AP1M1: variants seen among roughly 807,000 people sequenced by gnomAD.
AP1M1 encodes the protein adaptor related protein complex 1 subunit mu 1, also known as AP-1 complex subunit mu-1.
In AP1M1, 18 loss-of-function variants were observed where a neutral mutation model predicts 57.1. The ratio of observed to expected loss-of-function variants is 0.32; its 90% CI spans 0.22 to 0.47. The LOEUF (loss-of-function observed/expected upper bound fraction) is 0.47, where lower values mean the gene tolerates loss of function less well. Among genes scored for constraint, AP1M1 ranks in the 20% least tolerant of loss-of-function variants. The probability of loss-of-function intolerance (pLI) is 1.00; values close to 1 mark genes in which losing one functional copy is unlikely to be tolerated. For synonymous variants in AP1M1, 241 were observed against 237.9 expected (o/e 1.01, Z -0.12); for missense variants, 362 against 593.5 (o/e 0.61, Z 4.05).
chr19:16,222,633 G>T (rs2091551284), intron 5 of AP1M1, among the ~76,000 whole-genome samples: 1 of 151,812 alleles, frequency 6.6e-6, no homozygotes, highest in South Asian at 2.1e-4. Context: ...TTTGAGACAG[G>T]GTCTTACTCT....
At chr19:16,223,512 A>G (rs1284197094) in intron 5 of AP1M1, among the ~76,000 whole-genome samples, 2 of 152,202 alleles carry the variant, frequency 1.3e-5, no homozygotes, top group Non-Finnish European at 2.9e-5. Context: ...AGAGAGAGAA[A>G]AGGACAACGG....
intron 10 of AP1M1, 183 bp from the exon 11 acceptor site, chr19:16,234,016 C>G (rs558523574): frequency 3.3e-6 from 2 of 614,342 alleles, no homozygotes; most frequent in Non-Finnish European, 5.5e-6. Context: ...CTTCCAGAGG[C>G]GGCTCTGCCC....
intron 5 of AP1M1, among the ~76,000 whole-genome samples, chr19:16,224,635 T>C (rs1400236738): frequency 6.6e-6 from 1 of 152,218 alleles, no homozygotes; most frequent in Non-Finnish European, 1.5e-5. Context: ...ATCAGCCTCG[T>C]GGGCTGGGCA....
At chr19:16,234,329 G>A (rs1360989316) in intron 11 of AP1M1, 55 bp downstream of exon 11, 1 of 1,611,022 alleles carries the variant, frequency 6.2e-7, no homozygotes, top group Non-Finnish European at 8.5e-7. Context: ...CTCTGTGGCT[G>A]CCCCCAGGGT....
rs2091571109 is a variant in AP1M1, at chr19:16,226,356, A to C, written c.547-65A>C. 1.7e-5 allele frequency: 25 copies of C among 1,493,804 alleles called. No individual in the cohort carries two copies. The South Asian group carries it at 2.5e-4, about 15-fold the overall frequency. The allele number at this position is 1,493,804 out of a possible 1,614,324, so 92.5% of individuals were successfully genotyped here. On this transcript the variant is annotated intron_variant, in intron 5 of 11. Transcript: ENST00000291439. ...AGTGGGGTGGCCAGAGGGTCACATG[A>C]TGTGGTAGGAGGCAGTGGCTGGTGA...
At chr19:16,199,230 G>A (rs1436374419) in intron 1 of AP1M1, among the ~76,000 whole-genome samples, 2 of 152,202 alleles carry the variant, frequency 1.3e-5, no homozygotes, top group African/African-American at 2.4e-5. Context: ...CAGACAGTCA[G>A]CCTCAGCCCG....
At position 16,226,560 on chromosome 19, in the gene AP1M1, G is replaced by GC; in HGVS notation, c.673+15dup. The GC allele has an allele frequency of 6.4e-7, 1 of 1,572,060 alleles. No homozygotes were observed. Among genetic ancestry groups the GC allele is most frequent in the Non-Finnish European group, 8.7e-7 (1 of 1,153,626 alleles). On this transcript the variant is annotated intron_variant, in intron 6 of 11. Transcript: ENST00000291439. ...GACAACACGGGCCGTGAGTACCCTT[G>GC]CCAAGGGCCCTGCCCATGAGGATGG...
chr19:16,210,933 T>C (rs1379972028), intron 5 of AP1M1, among the ~76,000 whole-genome samples: 2 of 152,244 alleles, frequency 1.3e-5, no homozygotes, highest in East Asian at 1.9e-4. Flanking sequence ...ATATCCTCTT[T>C]GGAGAAATGT....
rs385034 is a variant in AP1M1 at position 16,238,135 on chromosome 19, A to C, written c.*3700A>C. On this transcript the variant is annotated 3_prime_UTR_variant, in exon 12 of 12. Transcript: ENST00000291439. Reference sequence around the variant, plus strand: ...GATTACAGGCGTGAGCCACCTCGCCACGCCTCCTGAACATCTAGAACGTGC... The same window carrying C: ...GATTACAGGCGTGAGCCACCTCGCCCCGCCTCCTGAACATCTAGAACGTGC... The C allele has an allele frequency of 0.17, 25,174 of 152,012 alleles. 3,640 individuals carry two copies. Among genetic ancestry groups the C allele is most frequent in the African/African-American group, 0.38 (15,576 of 41,446 alleles). The allele number at this position is 152,012 out of a possible 1,614,324, so 9.4% of individuals were successfully genotyped here. A position where few individuals can be genotyped will look rare whatever the true frequency, so the allele number is the denominator to read the frequency against.
At chr19:16,210,488 C>T in intron 5 of AP1M1, 2 of 684,170 alleles carry the variant, frequency 2.9e-6, no homozygotes, top group Middle Eastern at 2.3e-4. Flanking sequence ...GACCCCACAT[C>T]CTTTGTCAGT....
rs1460561320 is a variant in AP1M1, at chr19:16,242,615, T to TA, written c.*8187dup. 3 of 152,078 alleles carry TA rather than the reference T, an allele frequency of 2.0e-5. No homozygotes were observed. The highest frequency in any genetic ancestry group is 4.8e-5 in the African/African-American group (2 of 41,408). The allele number at this position is 152,078 out of a possible 1,614,324, so 9.4% of individuals were successfully genotyped here. A position where few individuals can be genotyped will look rare whatever the true frequency, so the allele number is the denominator to read the frequency against. ...TGTAAGTACACAACACAATTGAAAG[T>TA]AAAAAAACATTAAAAGATGTGACAC... On this transcript the variant is annotated 3_prime_UTR_variant, in exon 12 of 12. Transcript: ENST00000291439.
At chr19:16,200,362 C>T (rs966848955) in intron 1 of AP1M1, among the ~76,000 whole-genome samples, 3 of 152,158 alleles carry the variant, frequency 2.0e-5, no homozygotes, top group Non-Finnish European at 4.4e-5. Flanking sequence ...CCTGCTGGGG[C>T]TGCCAAGCCA....
At chr19:16,210,979 A>G (rs2091490859) in intron 5 of AP1M1, among the ~76,000 whole-genome samples, 1 of 151,968 alleles carries the variant, frequency 6.6e-6, no homozygotes, top group African/African-American at 2.4e-5. Context: ...AAATTGGGTT[A>G]TTTTCATATA....
At position 16,239,261 on chromosome 19, in the gene AP1M1, TTTTTTTTTTTTTTTTTTTA is replaced by T; in HGVS notation, c.*4827_*4845del. The T allele has an allele frequency of 8.3e-6, 1 of 120,768 alleles. No individual in the cohort carries two copies. The allele number at this position is 120,768 out of a possible 1,614,324, so 7.5% of individuals were successfully genotyped here. ...TCTCTTTTTTTTTTTTTTTTTTTTT[TTTTTTTTTTTTTTTTTTTA>T]AGACTGCAAAGCTGGGCATGGTAGT... On this transcript the variant is annotated 3_prime_UTR_variant, in exon 12 of 12. Transcript: ENST00000291439.
intron 5 of AP1M1, among the ~76,000 whole-genome samples, chr19:16,213,739 C>T (rs887331761): frequency 1.3e-5 from 2 of 152,130 alleles, no homozygotes; most frequent in African/African-American, 4.8e-5. Context: ...GTGATCCACT[C>T]GCCTCGGCCT....
At chr19:16,218,296 G>T (rs116184601) in intron 5 of AP1M1, among the ~76,000 whole-genome samples, 1 of 152,158 alleles carries the variant, frequency 6.6e-6, no homozygotes, top group African/African-American at 2.4e-5. Context: ...GAACCCTCCC[G>T]GGCTGTCTCA....
intron 4 of AP1M1, 53 bp downstream of exon 4, chr19:16,208,202 C>T (rs971793267): frequency 6.5e-6 from 10 of 1,547,304 alleles, no homozygotes; most frequent in East Asian, 4.6e-5. Flanking sequence ...GTCATGACAT[C>T]GACGTCATCA....
Position 16,203,190 on chromosome 19 carries a change from C to T in AP1M1, c.43-269C>T. On this transcript the variant is annotated intron_variant, in intron 1 of 11. Transcript: ENST00000291439. This position sits in a 1 kb window ranked among gnomAD's most constrained non-coding sequence, Gnocchi z 4.6. ...CCTGATGTCTCTGGGTGATTCAGTC[C>T]TGGACCTTTGCTGCAGAGTTCGCCT... The T allele has an allele frequency of 4.0e-6, 2 of 494,948 alleles. No homozygotes were observed. Among genetic ancestry groups the T allele is most frequent in the Non-Finnish European group, 7.4e-6 (2 of 270,648 alleles). The allele number at this position is 494,948 out of a possible 1,614,324, so 30.7% of individuals were successfully genotyped here. A position where few individuals can be genotyped will look rare whatever the true frequency, so the allele number is the denominator to read the frequency against.
intron 11 of AP1M1, 64 bp from the exon 12 acceptor site, chr19:16,234,349 G>A (rs1320154266): frequency 8.1e-6 from 13 of 1,613,460 alleles, no homozygotes; most frequent in South Asian, 2.2e-5. Context: ...TGGAGCCATC[G>A]GGTCGGGTCC....
Sources: gnomAD v4.1 joint callset for allele counts (sites outside exome capture counted in the v4.1 genomes callset) on GRCh38, gnomAD v4.1.1 for gene constraint, Gnocchi (gnomAD v3.1) non-coding constraint, MANE v1.5 for transcripts, NCBI Gene and HGNC (gene_info 2026-07-23, HGNC 2026-07-21) for gene names.